Variants in CDC14A observed in about 807,000 individuals in gnomAD.
CDC14A encodes the protein cell division cycle 14A, also known as dual specificity protein phosphatase CDC14A.
CDC14A carries 53 observed loss-of-function variants against 74.4 expected under a neutral mutation model. The ratio of observed to expected loss-of-function variants is 0.71; its 90% CI spans 0.57 to 0.89. The LOEUF (loss-of-function observed/expected upper bound fraction) is 0.89. Ranked by LOEUF, CDC14A falls within the 40% of genes least tolerant of loss-of-function variation. CDC14A has a pLI of 0.00. For synonymous variants in CDC14A, 247 were observed against 258.4 expected (o/e 0.96, Z 0.43); for missense variants, 646 against 713.7 (o/e 0.91, Z 1.08).
intron 7 of CDC14A, among the ~76,000 whole-genome samples, chr1:100,449,549 C>G (rs543460490): frequency 2.6e-5 from 4 of 152,206 alleles, no homozygotes; most frequent in African/African-American, 9.6e-5. Flanking sequence ...GCTCCCTCCT[C>G]CTGCCTGTCA....
upstream of CDC14A, among the ~76,000 whole-genome samples, chr1:100,352,137 C>T (rs1311427878): frequency 6.6e-6 from 1 of 152,118 alleles, no homozygotes; most frequent in Non-Finnish European, 1.5e-5. Context: ...AAGGGGGCGC[C>T]AGCACATCCT....
chr1:100,515,079 T>C (rs1483014446), intron 15 of CDC14A, among the ~76,000 whole-genome samples: 1 of 152,298 alleles, frequency 6.6e-6, no homozygotes, highest in East Asian at 1.9e-4. Context: ...TTTGTTACGA[T>C]GTGTATTAGG....
intron 4 of CDC14A, among the ~76,000 whole-genome samples, chr1:100,422,179 A>G (rs905189569): frequency 4.6e-5 from 7 of 152,226 alleles, no homozygotes; most frequent in African/African-American, 1.2e-4. Context: ...AACATGGGCC[A>G]TGTGTGCTAA....
At chr1:100,393,954 CA>C (rs377483612) in intron 4 of CDC14A, 257 of 201,960 alleles carry the variant, frequency 1.3e-3, no homozygotes, top group South Asian at 2.4e-3. Context: ...CTCCCCACCG[CA>C]AAAAAAAATA....
Position 100,518,545 on chromosome 1 carries a change from G to T in CDC14A, c.*265G>T. 6.1e-6 allele frequency: 2 copies of T among 329,618 alleles called. No homozygotes were observed. Among genetic ancestry groups the T allele is most frequent in the Non-Finnish European group, 5.6e-6 (1 of 178,222 alleles). 20.4% of individuals were successfully genotyped at this position (329,618 alleles called of 1,614,324 possible). A position where few individuals can be genotyped will look rare whatever the true frequency, so the allele number is the denominator to read the frequency against. On this transcript the variant is annotated 3_prime_UTR_variant, in exon 16 of 16. Transcript: ENST00000336454. ...AATGTTGAATTTGGTATTTTGAAGGGTTATTTTTAATGTATTTTGGTAATA... is the reference window on the plus strand; with the variant it reads ...AATGTTGAATTTGGTATTTTGAAGGTTTATTTTTAATGTATTTTGGTAATA...
chr1:100,437,354 C>T (rs1664461399), intron 5 of CDC14A, among the ~76,000 whole-genome samples: 2 of 152,104 alleles, frequency 1.3e-5, no homozygotes, highest in South Asian at 2.1e-4. Context: ...ACGATTAAGC[C>T]ATTTCTTTCT....
At chr1:100,348,674 G>A (rs1046452372), upstream of CDC14A, among the ~76,000 whole-genome samples, 15 of 152,206 alleles carry the variant, frequency 9.9e-5, no homozygotes, top group Non-Finnish European at 1.5e-4. Context: ...AGACTAAGGA[G>A]AAATGGAAGG....
intron 6 of CDC14A, among the ~76,000 whole-genome samples, chr1:100,440,875 C>CA (rs1491469733): frequency 2.0e-5 from 3 of 152,158 alleles, no homozygotes; most frequent in Non-Finnish European, 2.9e-5. Flanking sequence ...TAAACCCTAT[C>CA]AAACTTTAAA....
intron 7 of CDC14A, among the ~76,000 whole-genome samples, chr1:100,449,817 C>T (rs1339268746): frequency 2.0e-5 from 3 of 152,146 alleles, no homozygotes; most frequent in Non-Finnish European, 4.4e-5. Flanking sequence ...GTGAATAATA[C>T]TAAAAACAGG....
chr1:100,484,266 T>G, intron 10 of CDC14A, 26 bp from the exon 11 acceptor site: 30 of 1,359,828 alleles, frequency 2.2e-5, no homozygotes, highest in African/African-American at 4.5e-5. Flanking sequence ...TTCTTGTCGT[T>G]TTGTTTTGTT....
chr1:100,498,879 T>C lies in CDC14A; in HGVS notation c.1422-50T>C, dbSNP rs183840737. On this transcript the variant is annotated intron_variant, in intron 14 of 15. Transcript: ENST00000336454. Reference sequence around the variant, plus strand: ...TTTTAGAAACGTGAGCTCTGTGTGATTGTACATTGTTGTCTGTTTTTTCCC... The same window carrying C: ...TTTTAGAAACGTGAGCTCTGTGTGACTGTACATTGTTGTCTGTTTTTTCCC... The C allele has an allele frequency of 8.3e-6, 13 of 1,561,238 alleles. No individual in the cohort carries two copies. The East Asian group carries it at 2.9e-4, about 35-fold the overall frequency.
chr1:100,453,010 T>C (rs1474721497), intron 7 of CDC14A, among the ~76,000 whole-genome samples: 4 of 152,180 alleles, frequency 2.6e-5, no homozygotes, highest in Non-Finnish European at 1.5e-5. Context: ...AAAGTAAGCG[T>C]ATATTATATT....
chr1:100,411,218 C>T (rs1326823684), intron 4 of CDC14A, among the ~76,000 whole-genome samples: 2 of 152,286 alleles, frequency 1.3e-5, no homozygotes, highest in Non-Finnish European at 2.9e-5. Flanking sequence ...TCTACCTTCG[C>T]AGCCCTCAGC....
intron 4 of CDC14A, among the ~76,000 whole-genome samples, chr1:100,421,645 G>A (rs1172816874): frequency 6.6e-6 from 1 of 152,088 alleles, no homozygotes; most frequent in Non-Finnish European, 1.5e-5. Flanking sequence ...TGGAAGAGTG[G>A]AAACCTTTTT....
At chr1:100,488,939 G>C (rs1670338821) in intron 11 of CDC14A, among the ~76,000 whole-genome samples, 1 of 152,172 alleles carries the variant, frequency 6.6e-6, no homozygotes, top group African/African-American at 2.4e-5. Flanking sequence ...ACAGCACACA[G>C]AATCATGGTG....
intron 15 of CDC14A, among the ~76,000 whole-genome samples, chr1:100,502,215 T>C (rs959308791): frequency 1.6e-4 from 24 of 152,224 alleles, no homozygotes; most frequent in African/African-American, 5.8e-4. Context: ...TAGGCCTTCA[T>C]GTTCACTCAC....
At chr1:100,421,535 C>T (rs1263020725) in intron 4 of CDC14A, among the ~76,000 whole-genome samples, 1 of 152,144 alleles carries the variant, frequency 6.6e-6, no homozygotes, top group Non-Finnish European at 1.5e-5. Flanking sequence ...TCCTTCTGAT[C>T]CTTCCCCTGC....
intron 5 of CDC14A, among the ~76,000 whole-genome samples, chr1:100,429,739 GTA>G (rs1270281764): frequency 6.9e-6 from 1 of 145,050 alleles, no homozygotes; most frequent in Non-Finnish European, 1.5e-5. Flanking sequence ...TATATATCAA[GTA>G]TATTTATATA....
intron 15 of CDC14A, chr1:100,499,464 G>T: frequency 6.9e-7 from 1 of 1,452,014 alleles, no homozygotes; most frequent in South Asian, 1.6e-5. Flanking sequence ...GTCACAACTG[G>T]GTTTTCTTCC....
Sources: allele counts gnomAD v4.1 joint callset (sites outside exome capture counted in the v4.1 genomes callset), GRCh38; gene constraint gnomAD v4.1.1; transcripts MANE v1.5; gene names NCBI Gene and HGNC (gene_info 2026-07-23, HGNC 2026-07-21).